IFT25: variants seen among roughly 807,000 people sequenced by gnomAD.
IFT25 encodes intraflagellar transport protein 25 homolog.
the IFT25 span, among the ~76,000 whole-genome samples, chr1:53,945,378 G>A: frequency 1.3e-5 from 2 of 152,152 alleles, no homozygotes; most frequent in East Asian, 1.9e-4. Flanking sequence ...GGGTCTAGAG[G>A]AAAAGGCGGG....
chr1:53,911,937 C>T, the IFT25 span, among the ~76,000 whole-genome samples: 1 of 152,176 alleles, frequency 6.6e-6, no homozygotes, highest in African/African-American at 2.4e-5. Context: ...TGTCCCACAA[C>T]TGCTTCCTCG....
At chr1:53,933,228 G>A in the IFT25 span, among the ~76,000 whole-genome samples, 11 of 149,368 alleles carry the variant, frequency 7.4e-5, no homozygotes, top group Non-Finnish European at 1.0e-4. Flanking sequence ...TCCGCCTCCC[G>A]GGTTCATGCC....
At chr1:53,930,891 T>C in the IFT25 span, among the ~76,000 whole-genome samples, 6 of 152,212 alleles carry the variant, frequency 3.9e-5, no homozygotes, top group Non-Finnish European at 7.3e-5. Context: ...ATAGTATATA[T>C]TATGGTTTTG....
At chr1:53,917,754 G>C in the IFT25 span, among the ~76,000 whole-genome samples, 2 of 152,004 alleles carry the variant, frequency 1.3e-5, no homozygotes, top group African/African-American at 4.8e-5. Flanking sequence ...TTGAACCCAG[G>C]AGGCACAGGT....
chr1:53,926,896 AT>A, the IFT25 span, among the ~76,000 whole-genome samples: 100 of 150,490 alleles, frequency 6.6e-4, no homozygotes, highest in African/African-American at 2.2e-3. Context: ...CTAATTTTTA[AT>A]TTTTTTTTGT....
At chr1:53,920,174 T>C in the IFT25 span, among the ~76,000 whole-genome samples, 7 of 152,294 alleles carry the variant, frequency 4.6e-5, no homozygotes, top group South Asian at 2.1e-4. Context: ...CTTTCTCTCA[T>C]CTACCAGGGT....
chr1:53,945,000 G>T, the IFT25 span, among the ~76,000 whole-genome samples: 1 of 152,066 alleles, frequency 6.6e-6, no homozygotes, highest in Non-Finnish European at 1.5e-5. Context: ...TCATCCATTG[G>T]GAACGTGGTG....
At chr1:53,911,706 CA>C in the IFT25 span, among the ~76,000 whole-genome samples, 28 of 152,270 alleles carry the variant, frequency 1.8e-4, no homozygotes, top group South Asian at 1.2e-3. Context: ...TAGTAAGTAA[CA>C]AGCCGAGATT....
chr1:53,913,859 A>G, the IFT25 span, among the ~76,000 whole-genome samples: 1 of 152,352 alleles, frequency 6.6e-6, no homozygotes, highest in African/African-American at 2.4e-5. Context: ...GCACACAGCA[A>G]GGTGGCAGCT....
the IFT25 span, among the ~76,000 whole-genome samples, chr1:53,915,787 T>C: frequency 1.3e-5 from 2 of 152,034 alleles, no homozygotes; most frequent in Admixed American, 6.6e-5. Context: ...AAGGCCTCAA[T>C]ACATAGTACA....
the IFT25 span, chr1:53,928,237 T>A: frequency 3.0e-6 from 2 of 662,952 alleles, no homozygotes; most frequent in Non-Finnish European, 2.6e-6. Context: ...ACCTGGGTCT[T>A]TCTAGACCCT....
the IFT25 span, among the ~76,000 whole-genome samples, chr1:53,942,083 A>G: frequency 3.3e-5 from 5 of 152,366 alleles, no homozygotes; most frequent in South Asian, 1.0e-3. Context: ...AAGTATGCTT[A>G]TCAATTTTGC....
chr1:53,924,221 T>G, the IFT25 span, among the ~76,000 whole-genome samples: 1 of 152,134 alleles, frequency 6.6e-6, no homozygotes, highest in Non-Finnish European at 1.5e-5. Context: ...TATAAGGAAC[T>G]GATAAAATGT....
At chr1:53,939,074 C>CAAA in the IFT25 span, among the ~76,000 whole-genome samples, 120 of 22,538 alleles carry the variant, frequency 5.3e-3, 13 homozygotes, top group African/African-American at 0.016. Flanking sequence ...AACTCCGTCT[C>CAAA]AAAAAAAAAA....
the IFT25 span, among the ~76,000 whole-genome samples, chr1:53,944,814 TA>T: frequency 6.6e-6 from 1 of 152,182 alleles, no homozygotes; most frequent in Non-Finnish European, 1.5e-5. Flanking sequence ...TCCTGTCTTC[TA>T]AACCAGTGCC....
the IFT25 span, among the ~76,000 whole-genome samples, chr1:53,924,236 ATTTC>A: frequency 6.6e-6 from 1 of 152,188 alleles, no homozygotes. Context: ...AAATGTGAAA[ATTTC>A]TTTTTAAAAC....
chr1:53,919,956 GTT>G, the IFT25 span, among the ~76,000 whole-genome samples: 3 of 151,930 alleles, frequency 2.0e-5, no homozygotes, highest in East Asian at 5.8e-4. Flanking sequence ...ACTCTGCCTG[GTT>G]TTGTTATTTT....
the IFT25 span, among the ~76,000 whole-genome samples, chr1:53,911,848 G>A: frequency 6.6e-6 from 1 of 152,144 alleles, no homozygotes; most frequent in Non-Finnish European, 1.5e-5. Flanking sequence ...ATAGATTCAT[G>A]AGTAGAGCAC....
chr1:53,924,033 A>G, the IFT25 span: 7 of 826,522 alleles, frequency 8.5e-6, no homozygotes, highest in Middle Eastern at 2.3e-4. Flanking sequence ...GCAAAATATG[A>G]TATCTGGTAA....
Sources: gnomAD v4.1 joint callset for allele counts (sites outside exome capture counted in the v4.1 genomes callset) on GRCh38, gnomAD v4.1.1 for gene constraint, MANE v1.5 for transcripts, NCBI Gene and HGNC (gene_info 2026-07-23, HGNC 2026-07-21) for gene names.